RYR2: variants seen among roughly 807,000 people sequenced by gnomAD.
RYR2 encodes the protein ryanodine receptor 2.
RYR2 carries 227 observed loss-of-function variants against 601.1 expected under a neutral mutation model. The ratio of observed to expected loss-of-function variants is 0.38; its 90% CI spans 0.34 to 0.42. The LOEUF is 0.42. RYR2 is among the 10% of genes least tolerant of loss of function. The pLI is 1.00. For missense variants in RYR2, 4,646 were observed against 6,156.5 expected, an observed-to-expected ratio of 0.75 and a Z score of 8.21; for synonymous variants, 2,223 against 2,175.1, an observed-to-expected ratio of 1.02 and a Z score of -0.61.
chr1:237,551,795 TGTAA>T (rs1026020610), intron 27 of RYR2, among the ~76,000 whole-genome samples: 8 of 152,316 alleles, frequency 5.3e-5, no homozygotes, highest in African/African-American at 1.9e-4. Flanking sequence ...ATATTCACTG[TGTAA>T]GTGTTTCTAA....
At chr1:237,081,496 A>T (rs1665648584) in intron 1 of RYR2, among the ~76,000 whole-genome samples, 1 of 103,008 alleles carries the variant, frequency 9.7e-6, no homozygotes, top group African/African-American at 3.3e-5. Context: ...ATATACATAT[A>T]TAAATACACC....
At chr1:237,222,255 T>C (rs554723367) in intron 1 of RYR2, among the ~76,000 whole-genome samples, 1 of 151,882 alleles carries the variant, frequency 6.6e-6, no homozygotes, top group African/African-American at 2.4e-5. Flanking sequence ...TCTACTAAAA[T>C]ACAAAAAATT....
chr1:237,124,447 C>G (rs947051986), intron 1 of RYR2, among the ~76,000 whole-genome samples: 1 of 152,126 alleles, frequency 6.6e-6, no homozygotes. Flanking sequence ...AATACATTAT[C>G]TTACAGTTTT....
chr1:237,674,786 A>C lies in RYR2; in HGVS notation c.8770A>C (p.Ser2924Arg). ...TTCTATTGAGAAACGATTTGCCTAT[A>C]GTTTCCTCCAACAACTCATTCGCTA... is the stretch of plus-strand genomic sequence containing the variant. ...TPSIEKRFAY[S>R]FLQQLIRYVD... Residue 2924 changes from serine (S) to arginine (R), a missense_variant, in exon 60 of 105, where the codon AGT becomes CGT. Around this residue, in one of 17 missense-constraint regions of RYR2, gnomAD observed 1,497 missense variants for 1,842.6 expected, o/e 0.81. Coordinates refer to ENST00000366574, the MANE Select transcript of RYR2 (RefSeq NM_001035.3). 6.2e-7 allele frequency: 1 copy of C among 1,612,738 alleles called. No individual in the cohort carries two copies. Among genetic ancestry groups the C allele is most frequent in the Non-Finnish European group, 8.5e-7 (1 of 1,178,976 alleles).
intron 1 of RYR2, among the ~76,000 whole-genome samples, chr1:237,248,294 C>G (rs1288048597): frequency 3.1e-4 from 31 of 99,316 alleles, no homozygotes; most frequent in African/African-American, 1.1e-3. Context: ...CCCCCCCCCC[C>G]CCCCCAAAAA....
chr1:237,461,203 A>G (rs781075142), intron 16 of RYR2, among the ~76,000 whole-genome samples: 1 of 152,172 alleles, frequency 6.6e-6, no homozygotes, highest in Non-Finnish European at 1.5e-5. Context: ...TATTCTACCC[A>G]TTTTTGAACA....
intron 29 of RYR2, among the ~76,000 whole-genome samples, chr1:237,575,183 G>A (rs1331646570): frequency 1.3e-5 from 2 of 152,240 alleles, no homozygotes; most frequent in African/African-American, 2.4e-5. Context: ...GAGTTCATAC[G>A]CGGTTACCTC....
chr1:237,147,271 A>T (rs970286711), intron 1 of RYR2, among the ~76,000 whole-genome samples: 1 of 152,198 alleles, frequency 6.6e-6, no homozygotes, highest in Non-Finnish European at 1.5e-5. Context: ...ATAATTAAGC[A>T]GATAAGTGAG....
intron 3 of RYR2, among the ~76,000 whole-genome samples, chr1:237,331,512 C>CTTTTTTTTTTTTTTTTTTTTTTT (rs1460724250): frequency 3.2e-4 from 48 of 150,636 alleles, no homozygotes; most frequent in African/African-American, 1.1e-3. Flanking sequence ...TTTTTCTTTT[C>CTTTTTTTTTTTTTTTTTTTTTTT]TTTTTTTTGA....
At position 237,530,681 on chromosome 1, in the gene RYR2, A is replaced by AGGTGG. The variant is rs1668054560; in HGVS notation, c.2906+172_2906+176dup. On this transcript the variant is annotated intron_variant, in intron 25 of 104. Coordinates refer to ENST00000366574, the MANE Select transcript of RYR2 (RefSeq NM_001035.3). ...TCCCAGCACTTTGGGAGGCCAAGGCAGGTGGATCACCTGAGGTCAGGAGTT... is the reference window on the plus strand; with the variant it reads ...TCCCAGCACTTTGGGAGGCCAAGGCAGGTGGGGTGGATCACCTGAGGTCAGGAGTT... Among the ~76,000 whole-genome samples the AGGTGG allele has an allele frequency of 2.0e-5, 3 of 152,240 alleles. No individual in the cohort carries two copies. In the South Asian group the frequency reaches 6.2e-4, roughly 32 times the overall value.
Position 237,803,418 on chromosome 1 carries a change from A to C in RYR2, c.14151+1502A>C, listed in dbSNP as rs374000061. Among the ~76,000 whole-genome samples, 15 of 151,846 alleles carry C rather than the reference A, an allele frequency of 9.9e-5. No homozygotes were observed. In the East Asian group the frequency reaches 2.1e-3, roughly 22 times the overall value. ...TCCTGGGTTCACACCATTCTGCCTC[A>C]GCCTCCTGAGTAGCTGGGACTACAG... On this transcript the variant is annotated intron_variant, in intron 98 of 104. Coordinates refer to ENST00000366574, the MANE Select transcript of RYR2 (RefSeq NM_001035.3).
chr1:237,630,525 T>G (rs1680139219), intron 41 of RYR2, among the ~76,000 whole-genome samples: 1 of 152,172 alleles, frequency 6.6e-6, no homozygotes, highest in Non-Finnish European at 1.5e-5. Context: ...TGCATATGAC[T>G]AAATGAATAG....
At chr1:237,151,220 C>G (rs1674675304) in intron 1 of RYR2, among the ~76,000 whole-genome samples, 1 of 152,108 alleles carries the variant, frequency 6.6e-6, no homozygotes, top group Admixed American at 6.5e-5. Flanking sequence ...TCTACATTTG[C>G]TAGAACTGTC....
chr1:237,451,945 C>T (rs1320759473), intron 14 of RYR2, among the ~76,000 whole-genome samples: 1 of 149,180 alleles, frequency 6.7e-6, no homozygotes, highest in African/African-American at 2.5e-5. Context: ...TCTCTCTCTC[C>T]CAGGTCACGG....
At chr1:237,582,923 G>GAGATATATAT (rs373412605) in intron 29 of RYR2, among the ~76,000 whole-genome samples, 6 of 133,198 alleles carry the variant, frequency 4.5e-5, no homozygotes, top group East Asian at 3.1e-4. Context: ...TTTTCTTTTG[G>GAGATATATAT]ATATATATAT....
intron 1 of RYR2, among the ~76,000 whole-genome samples, chr1:237,245,681 G>T (rs980680037): frequency 3.3e-5 from 5 of 152,172 alleles, no homozygotes; most frequent in African/African-American, 9.6e-5. Context: ...TTTGATTTAG[G>T]AAATGTATTA....
intron 33 of RYR2, among the ~76,000 whole-genome samples, chr1:237,594,929 T>C (rs1463900570): frequency 7.1e-5 from 7 of 98,154 alleles, no homozygotes; most frequent in Admixed American, 2.6e-4. Context: ...TTTTTTTTTT[T>C]TTGCATATTC....
At chr1:237,742,262 C>T in intron 79 of RYR2, 34 bp from the exon 80 acceptor site, 1 of 1,345,524 alleles carries the variant, frequency 7.4e-7, no homozygotes. Context: ...TCAACATATT[C>T]CTGTCTCCTT....
chr1:237,600,248 C>G (rs34658370), intron 34 of RYR2, among the ~76,000 whole-genome samples: 7,722 of 151,858 alleles, frequency 0.051, 276 homozygotes, highest in East Asian at 0.13. Context: ...GTAACCAAAA[C>G]AGACATATAG....
Sources: gnomAD v4.1 joint callset for allele counts (sites outside exome capture counted in the v4.1 genomes callset) on GRCh38, gnomAD v4.1.1 for gene constraint, gnomAD v4.1.1 regional missense constraint, MANE v1.5 for transcripts, NCBI Gene and HGNC (gene_info 2026-07-23, HGNC 2026-07-21) for gene names.